NKAIN2: variants seen among roughly 807,000 people sequenced by gnomAD.
The protein encoded by NKAIN2 is sodium/potassium-transporting ATPase subunit beta-1-interacting protein 2.
Under a neutral mutation model 32.6 loss-of-function variants are expected in NKAIN2, and 14 were observed. The observed-to-expected ratio is 0.43, with a 90% CI of 0.28 to 0.67. The LOEUF (loss-of-function observed/expected upper bound fraction) is 0.67, where lower values mean the gene tolerates loss of function less well. Among genes scored for constraint, NKAIN2 ranks in the 30% least tolerant of loss-of-function variants. The pLI, the probability that NKAIN2 is intolerant of heterozygous loss-of-function variation, is 0.17. For missense variants in NKAIN2, 198 were observed against 258.3 expected (o/e 0.77, Z 1.60); for synonymous variants, 80 against 87.2 (o/e 0.92, Z 0.46).
chr6:123,978,858 A>G (rs770268229), intron 1 of NKAIN2, among the ~76,000 whole-genome samples: 2 of 152,202 alleles, frequency 1.3e-5, no homozygotes, highest in Non-Finnish European at 2.9e-5. Context: ...ATAGTTATGG[A>G]CTGACTACCT....
At chr6:124,138,874 T>G (rs553176391) in intron 1 of NKAIN2, among the ~76,000 whole-genome samples, 1 of 150,876 alleles carries the variant, frequency 6.6e-6, no homozygotes, top group South Asian at 2.1e-4. Context: ...AGCTAAGTTA[T>G]GAGGATGCAA....
At chr6:123,965,764 T>C (rs1350876812) in intron 1 of NKAIN2, among the ~76,000 whole-genome samples, 1 of 152,180 alleles carries the variant, frequency 6.6e-6, no homozygotes, top group East Asian at 1.9e-4. Context: ...TCCTCTTTTC[T>C]CCAATCAGAT....
At chr6:124,530,953 G>A (rs535056162) in intron 3 of NKAIN2, among the ~76,000 whole-genome samples, 5 of 152,252 alleles carry the variant, frequency 3.3e-5, no homozygotes, top group South Asian at 2.1e-4. Flanking sequence ...GGCTGTCCAC[G>A]TTGGTACAGG....
chr6:123,933,493 C>T (rs1246729833), intron 1 of NKAIN2, among the ~76,000 whole-genome samples: 1 of 152,150 alleles, frequency 6.6e-6, no homozygotes, highest in Non-Finnish European at 1.5e-5. Flanking sequence ...GTCTCATTTA[C>T]CAACAGTTTA....
intron 1 of NKAIN2, among the ~76,000 whole-genome samples, chr6:123,956,748 C>T (rs577354326): frequency 1.1e-3 from 160 of 152,238 alleles, no homozygotes; most frequent in Non-Finnish European, 1.8e-3. Flanking sequence ...ACAGTTCCAT[C>T]CAAGTTACAA....
At chr6:124,207,717 G>C (rs539185160) in intron 1 of NKAIN2, among the ~76,000 whole-genome samples, 36 of 151,828 alleles carry the variant, frequency 2.4e-4, no homozygotes, top group African/African-American at 8.2e-4. Context: ...GTTTTTAAAA[G>C]ACAGTAGTGA....
At chr6:124,357,646 G>T (rs116828553) in intron 3 of NKAIN2, among the ~76,000 whole-genome samples, 1 of 152,246 alleles carries the variant, frequency 6.6e-6, no homozygotes, top group East Asian at 1.9e-4. Flanking sequence ...ATATGTGAAA[G>T]AAATGTATTT....
intron 3 of NKAIN2, among the ~76,000 whole-genome samples, chr6:124,458,909 C>G (rs979539021): frequency 6.6e-6 from 1 of 151,686 alleles, no homozygotes; most frequent in African/African-American, 2.4e-5. Context: ...TGCTTCCTGC[C>G]GTATTTCCCA....
At chr6:124,491,097 T>C (rs938227940) in intron 3 of NKAIN2, among the ~76,000 whole-genome samples, 2 of 152,012 alleles carry the variant, frequency 1.3e-5, no homozygotes, top group African/African-American at 2.4e-5. Flanking sequence ...ATAGATATCA[T>C]TTTTAAGAGA....
In NKAIN2 at chr6:124,204,402, A is replaced by C. The variant is rs144399841; in HGVS notation, c.55-78603A>C. 2.9e-3 allele frequency among the ~76,000 whole-genome samples: 441 copies of C among 151,918 alleles called. 1 individual carries two copies. The highest frequency in any genetic ancestry group is 9.5e-3 in the African/African-American group (395 of 41,510). On this transcript the variant is annotated intron_variant, in intron 1 of 6. Transcript: ENST00000368417. ...TTTTTAGGTTTTAAATCAGATAGAC[A>C]CTTTTGATGACTCACTTTAAAAGCA...
At chr6:124,758,622 T>C (rs1405559716) in intron 4 of NKAIN2, among the ~76,000 whole-genome samples, 1 of 152,182 alleles carries the variant, frequency 6.6e-6, no homozygotes, top group Non-Finnish European at 1.5e-5. Context: ...CTGACCCCAG[T>C]TGCAGAGCCT....
At chr6:124,071,146 A>G (rs1783444670) in intron 1 of NKAIN2, among the ~76,000 whole-genome samples, 2 of 152,058 alleles carry the variant, frequency 1.3e-5, no homozygotes, top group African/African-American at 4.8e-5. Flanking sequence ...GAGAGAACCC[A>G]GTAATAAAGC....
At chr6:124,169,298 G>A (rs1034431235) in intron 1 of NKAIN2, among the ~76,000 whole-genome samples, 15 of 151,892 alleles carry the variant, frequency 9.9e-5, no homozygotes, top group African/African-American at 3.6e-4. Context: ...TGAGAAATTT[G>A]CATTTGATAA....
chr6:124,621,136 T>C (rs1383907340), intron 3 of NKAIN2, among the ~76,000 whole-genome samples: 1 of 152,184 alleles, frequency 6.6e-6, no homozygotes, highest in Non-Finnish European at 1.5e-5. Context: ...GGAATACTAC[T>C]GGGCAGCAGC....
At chr6:124,321,163 T>G (rs546451638) in intron 2 of NKAIN2, among the ~76,000 whole-genome samples, 2 of 152,328 alleles carry the variant, frequency 1.3e-5, no homozygotes, top group South Asian at 2.1e-4. Flanking sequence ...CTGCCTGCCT[T>G]CCTTTTAGCA....
intron 3 of NKAIN2, among the ~76,000 whole-genome samples, chr6:124,517,941 T>G (rs371587489): frequency 2.0e-5 from 3 of 152,280 alleles, no homozygotes; most frequent in South Asian, 2.1e-4. Context: ...ACCTTCATGT[T>G]ACATTGACTA....
At chr6:124,347,082 C>T (rs1798462225) in intron 2 of NKAIN2, among the ~76,000 whole-genome samples, 1 of 151,572 alleles carries the variant, frequency 6.6e-6, no homozygotes, top group Admixed American at 6.6e-5. Context: ...TTTATTTCTC[C>T]TTCACTTATG....
At chr6:124,449,919 A>G (rs1776033588) in intron 3 of NKAIN2, among the ~76,000 whole-genome samples, 3 of 152,098 alleles carry the variant, frequency 2.0e-5, no homozygotes, top group African/African-American at 7.2e-5. Flanking sequence ...CTTTTCGGTT[A>G]GGCTGTTTTA....
At chr6:124,458,539 T>A (rs1371686946) in intron 3 of NKAIN2, among the ~76,000 whole-genome samples, 1 of 151,876 alleles carries the variant, frequency 6.6e-6, no homozygotes, top group Non-Finnish European at 1.5e-5. Flanking sequence ...TTCATATCTA[T>A]ACCATACTTA....
Sources: gnomAD v4.1 joint callset for allele counts (sites outside exome capture counted in the v4.1 genomes callset) on GRCh38, gnomAD v4.1.1 for gene constraint, MANE v1.5 for transcripts, NCBI Gene and HGNC (gene_info 2026-07-23, HGNC 2026-07-21) for gene names.